Variants in ATF7IP2 observed in about 807,000 individuals in gnomAD.
The protein encoded by ATF7IP2 is activating transcription factor 7 interacting protein 2.
In ATF7IP2, 42 loss-of-function variants were observed where a neutral mutation model predicts 64.2. The observed-to-expected ratio is 0.65, with a 90% CI of 0.51 to 0.85. The LOEUF (loss-of-function observed/expected upper bound fraction) is 0.85, where lower values mean the gene tolerates loss of function less well. Among genes scored for constraint, ATF7IP2 ranks in the 40% least tolerant of loss-of-function variants. The pLI, the probability that ATF7IP2 is intolerant of heterozygous loss-of-function variation, is 0.00. For missense variants in ATF7IP2, 933 were observed against 784.2 expected (o/e 1.19, Z -2.27); for synonymous variants, 308 against 272.8 (o/e 1.13, Z -1.27).
At chr16:10,416,972 T>A (rs1240915718) in intron 2 of ATF7IP2, among the ~76,000 whole-genome samples, 1 of 152,250 alleles carries the variant, frequency 6.6e-6, no homozygotes, top group Non-Finnish European at 1.5e-5. Context: ...CATTTACCAA[T>A]GTGATTATTA....
intron 1 of ATF7IP2, among the ~76,000 whole-genome samples, chr16:10,413,371 T>G (rs560694898): frequency 6.6e-6 from 1 of 152,346 alleles, no homozygotes; most frequent in South Asian, 2.1e-4. Flanking sequence ...TTCCTCATTT[T>G]TCTCTTGCCA....
intron 1 of ATF7IP2, among the ~76,000 whole-genome samples, chr16:10,402,681 T>C (rs2047558488): frequency 6.6e-6 from 1 of 152,070 alleles, no homozygotes; most frequent in Non-Finnish European, 1.5e-5. Context: ...CCAGACTGGT[T>C]TCAAACTCCT....
At chr16:10,457,640 T>TA (rs1164885083) in intron 9 of ATF7IP2, 111 bp downstream of exon 9, 1 of 841,522 alleles carries the variant, frequency 1.2e-6, no homozygotes, top group East Asian at 3.0e-5. Context: ...CATTCACTCT[T>TA]AAAATGTCCT....
chr16:10,467,846 C>T (rs1316387584), intron 9 of ATF7IP2, among the ~76,000 whole-genome samples: 15 of 151,508 alleles, frequency 9.9e-5, no homozygotes, highest in Admixed American at 7.9e-4. Context: ...AGCCATGGCG[C>T]CCAGCCAAAA....
At position 10,433,528 on chromosome 16, in the gene ATF7IP2, A is replaced by G. The variant is rs2048324316; in HGVS notation, c.839A>G (p.His280Arg). ...CTAATCTTTTGATCTCCTCAAGGCC[A>G]TTATCAAAAGAAGAGGATGTTTTCA... ...QSSLDTNNNS[H>R]YQKKRMFSEN... Residue 280 changes from histidine to arginine, a missense_variant, in exon 6 of 14, where the codon CAT becomes CGT. Physicochemically the swap from His to Arg is conservative, Grantham distance 29. Transcript: ENST00000562102. 1.2e-6 allele frequency: 2 copies of G among 1,612,320 alleles called. No individual in the cohort carries two copies. The highest frequency in any genetic ancestry group is 1.7e-6 in the Non-Finnish European group (2 of 1,178,624).
intron 1 of ATF7IP2, among the ~76,000 whole-genome samples, chr16:10,388,483 T>G (rs999713363): frequency 6.6e-6 from 1 of 152,218 alleles, no homozygotes; most frequent in Admixed American, 6.5e-5. Flanking sequence ...CCTCTGAGGC[T>G]CTAGTGTGTA....
intron 10 of ATF7IP2, among the ~76,000 whole-genome samples, chr16:10,472,969 A>G (rs962139703): frequency 1.3e-5 from 2 of 151,788 alleles, no homozygotes; most frequent in African/African-American, 4.8e-5. Flanking sequence ...CCCCATTTTC[A>G]TTTCATTTTC....
chr16:10,421,466 A>C (rs143004905), intron 3 of ATF7IP2, among the ~76,000 whole-genome samples: 1 of 152,320 alleles, frequency 6.6e-6, no homozygotes, highest in African/African-American at 2.4e-5. Context: ...AGGAATGCCT[A>C]CAGCAGGTTG....
At chr16:10,444,474 CAA>C (rs770522899) in intron 8 of ATF7IP2, among the ~76,000 whole-genome samples, 1 of 152,056 alleles carries the variant, frequency 6.6e-6, no homozygotes, top group Non-Finnish European at 1.5e-5. Flanking sequence ...ACTGGGAACT[CAA>C]GAGGCAGTGT....
At chr16:10,470,433 C>T (rs1386191180) in intron 9 of ATF7IP2, among the ~76,000 whole-genome samples, 1 of 151,986 alleles carries the variant, frequency 6.6e-6, no homozygotes, top group Admixed American at 6.6e-5. Context: ...TGTTACTTCA[C>T]CCCAAATTGT....
chr16:10,454,402 C>CCAT (rs1157611418), intron 8 of ATF7IP2: 3 of 110,036 alleles, frequency 2.7e-5, no homozygotes, highest in African/African-American at 1.1e-4. Context: ...GTGTGAGACT[C>CCAT]CATCTCAAAA....
At chr16:10,438,310 C>G in intron 7 of ATF7IP2, 75 bp downstream of exon 7, 3 of 1,414,612 alleles carry the variant, frequency 2.1e-6, no homozygotes, top group South Asian at 3.1e-5. Flanking sequence ...GGCTGCAGTA[C>G]GGTGGCTCAC....
chr16:10,457,476 A>C lies in ATF7IP2; in HGVS notation c.1299A>C (p.Lys433Asn). The C allele has an allele frequency of 6.3e-7, 1 of 1,597,414 alleles. No homozygotes were observed. Residue 433 changes from lysine to asparagine, a missense_variant, in exon 9 of 14, where the codon AAA (lysine) becomes AAC (asparagine). By Grantham distance (94) the Lys-to-Asn change is moderately conservative. Transcript: ENST00000562102. The stretch of plus-strand genomic sequence containing the variant: ...ATGAGCCTTCTAACCCTTCCGAAAA[A>C]GGAAGTAAAAAAATTAATTTGTCAT... ...VNYEPSNPSE[K>N]GSKKINLSSD...
intron 9 of ATF7IP2, among the ~76,000 whole-genome samples, chr16:10,461,592 A>G (rs1311497141): frequency 6.6e-6 from 1 of 152,082 alleles, no homozygotes; most frequent in East Asian, 1.9e-4. Context: ...GACACAAAAG[A>G]CTCATATGAT....
intron 1 of ATF7IP2, among the ~76,000 whole-genome samples, chr16:10,404,300 T>G (rs2141782801): frequency 6.6e-6 from 1 of 152,198 alleles, no homozygotes; most frequent in East Asian, 1.9e-4. Flanking sequence ...TCACCCAGGC[T>G]GGATTGAAGT....
At chr16:10,473,406 G>C in intron 10 of ATF7IP2, 73 bp from the exon 11 acceptor site, 1 of 923,380 alleles carries the variant, frequency 1.1e-6, no homozygotes, top group Non-Finnish European at 1.8e-6. Flanking sequence ...CTATTATTTT[G>C]TTTTAGCATT....
At chr16:10,481,716 CA>C (rs1383384338) in intron 13 of ATF7IP2, 119 bp from the exon 14 acceptor site, 1 of 850,334 alleles carries the variant, frequency 1.2e-6, no homozygotes, top group African/African-American at 1.7e-5. Context: ...TCCAGCCTCA[CA>C]TATTACTGAA....
intron 4 of ATF7IP2, among the ~76,000 whole-genome samples, chr16:10,429,619 G>C (rs1048681720): frequency 8.5e-5 from 13 of 152,106 alleles, no homozygotes; most frequent in Non-Finnish European, 8.8e-5. Context: ...AAAGTGCTAG[G>C]ATTACAGGCG....
intron 5 of ATF7IP2, among the ~76,000 whole-genome samples, chr16:10,432,805 G>T (rs189325631): frequency 6.6e-6 from 1 of 152,234 alleles, no homozygotes; most frequent in Non-Finnish European, 1.5e-5. Flanking sequence ...TTGAACCTGG[G>T]GGGCGGAAGT....
Sources: allele counts gnomAD v4.1 joint callset (sites outside exome capture counted in the v4.1 genomes callset), GRCh38; gene constraint gnomAD v4.1.1; transcripts MANE v1.5; gene names NCBI Gene and HGNC (gene_info 2026-07-23, HGNC 2026-07-21).